Variants in GLRA3 observed in about 807,000 individuals in gnomAD.
The protein encoded by GLRA3 is glycine receptor subunit alpha-3.
A neutral mutation model predicts 60.4 loss-of-function variants in GLRA3; 44 were observed. The observed-to-expected ratio is 0.73, with a 90% CI of 0.57 to 0.94. GLRA3 has a LOEUF of 0.94. Ranked by LOEUF, GLRA3 falls within the 40% of genes least tolerant of loss-of-function variation. The pLI, the probability that GLRA3 is intolerant of heterozygous loss-of-function variation, is 0.00. For synonymous variants in GLRA3, 223 were observed against 192.9 expected, an observed-to-expected ratio of 1.16 and a Z score of -1.29; for missense variants, 508 against 564.6, an observed-to-expected ratio of 0.90 and a Z score of 1.02.
intron 2 of GLRA3, among the ~76,000 whole-genome samples, chr4:174,773,382 A>G (rs1738470684): frequency 6.6e-6 from 1 of 152,064 alleles, no homozygotes. Context: ...AGAATAGCAA[A>G]GTACAATGCA....
chr4:174,803,623 T>A (rs1303517925), intron 1 of GLRA3, among the ~76,000 whole-genome samples: 2 of 152,194 alleles, frequency 1.3e-5, no homozygotes, highest in African/African-American at 4.8e-5. Flanking sequence ...GACATACACA[T>A]ATGTTTAGAA....
intron 4 of GLRA3, among the ~76,000 whole-genome samples, chr4:174,724,971 T>C (rs1462855013): frequency 6.6e-6 from 1 of 152,254 alleles, no homozygotes; most frequent in African/African-American, 2.4e-5. Context: ...TTATGCATTA[T>C]GTGTCTTCAT....
chr4:174,811,939 T>C (rs1484773886), intron 1 of GLRA3, among the ~76,000 whole-genome samples: 1 of 152,188 alleles, frequency 6.6e-6, no homozygotes, highest in East Asian at 1.9e-4. Flanking sequence ...TGATCAAGAA[T>C]TGAGATTATC....
chr4:174,736,112 G>A (rs2111156965), intron 3 of GLRA3, among the ~76,000 whole-genome samples: 1 of 152,106 alleles, frequency 6.6e-6, no homozygotes, highest in Non-Finnish European at 1.5e-5. Context: ...AAAATTTTGA[G>A]GTGGATAAGA....
At chr4:174,758,184 T>G (rs751716739) in intron 3 of GLRA3, among the ~76,000 whole-genome samples, 4 of 152,118 alleles carry the variant, frequency 2.6e-5, no homozygotes, top group Non-Finnish European at 4.4e-5. Flanking sequence ...CCTGAGGTAT[T>G]CCTTTATAGC....
chr4:174,686,240 C>T (rs554433778), intron 5 of GLRA3, among the ~76,000 whole-genome samples: 86 of 152,292 alleles, frequency 5.6e-4, no homozygotes, highest in Middle Eastern at 6.8e-3. Context: ...AATAAACTCT[C>T]AAACATAATT....
intron 3 of GLRA3, among the ~76,000 whole-genome samples, chr4:174,729,525 T>C (rs555577131): frequency 1.7e-3 from 259 of 152,374 alleles, no homozygotes; most frequent in African/African-American, 5.8e-3. Context: ...AGATCTTTCA[T>C]AGTTAATTTT....
chr4:174,685,872 T>C (rs997252527), intron 5 of GLRA3, among the ~76,000 whole-genome samples: 1 of 152,180 alleles, frequency 6.6e-6, no homozygotes, highest in Non-Finnish European at 1.5e-5. Context: ...TGTCCCAATT[T>C]AGACAGATGA....
At chr4:174,735,415 C>A (rs75388188) in intron 3 of GLRA3, among the ~76,000 whole-genome samples, 1 of 152,270 alleles carries the variant, frequency 6.6e-6, no homozygotes, top group African/African-American at 2.4e-5. Context: ...TTGCTCATGA[C>A]CTGAAATTTG....
rs1055266829 is a variant in GLRA3 at position 174,640,960 on chromosome 4, A to G, written c.*2826T>C. The G allele has an allele frequency of 3.3e-5, 5 of 151,156 alleles. No homozygotes were observed. Among genetic ancestry groups the G allele is most frequent in the African/African-American group, 9.7e-5 (4 of 41,372 alleles). 9.4% of individuals were successfully genotyped at this position (151,156 alleles called of 1,614,324 possible). ...AATACAGTGACTCTTGAATCTATTT[A>G]AAGTTGTAAAGTAAGTTCTAGAGCC... On this transcript the variant is annotated 3_prime_UTR_variant, in exon 10 of 10. Coordinates refer to ENST00000274093, the MANE Select transcript of GLRA3 (RefSeq NM_006529.4).
chr4:174,656,643 G>A, intron 9 of GLRA3, 100 bp downstream of exon 9: 1 of 640,422 alleles, frequency 1.6e-6, no homozygotes. Flanking sequence ...AAAAGGGGCT[G>A]TGTTTCCCCA....
chr4:174,787,275 C>T (rs919068727), intron 2 of GLRA3, among the ~76,000 whole-genome samples: 1 of 151,974 alleles, frequency 6.6e-6, no homozygotes, highest in African/African-American at 2.4e-5. Flanking sequence ...CTTTAATTTT[C>T]AGTTAAAAGA....
At chr4:174,661,474 T>C (rs1021960077) in intron 7 of GLRA3, among the ~76,000 whole-genome samples, 3 of 152,204 alleles carry the variant, frequency 2.0e-5, no homozygotes, top group African/African-American at 4.8e-5. Context: ...TAGAACCAGA[T>C]ACTGTGATCA....
intron 1 of GLRA3, among the ~76,000 whole-genome samples, chr4:174,789,233 A>G (rs1250691931): frequency 6.6e-6 from 1 of 152,190 alleles, no homozygotes; most frequent in Non-Finnish European, 1.5e-5. Context: ...TGTGTTTACA[A>G]AAGCCTTATT....
At chr4:174,805,791 T>C (rs966271852) in intron 1 of GLRA3, among the ~76,000 whole-genome samples, 4 of 152,192 alleles carry the variant, frequency 2.6e-5, no homozygotes, top group East Asian at 3.8e-4. Context: ...ATAACATTTA[T>C]TATTTTTATG....
chr4:174,758,332 T>C (rs1225103597), intron 3 of GLRA3, among the ~76,000 whole-genome samples: 1 of 152,186 alleles, frequency 6.6e-6, no homozygotes, highest in Admixed American at 6.5e-5. Flanking sequence ...ATATTGATAG[T>C]ATATACTCTT....
intron 2 of GLRA3, among the ~76,000 whole-genome samples, chr4:174,786,737 T>C (rs1739144483): frequency 6.6e-6 from 1 of 152,190 alleles, no homozygotes. Context: ...TAAAAACTAA[T>C]CCATTAAATT....
intron 2 of GLRA3, among the ~76,000 whole-genome samples, chr4:174,771,626 C>T (rs35852494): frequency 0.18 from 27,838 of 151,992 alleles, 3,001 homozygotes; most frequent in Admixed American, 0.25. Flanking sequence ...GTTGGGGGAA[C>T]ATGGCCCAGG....
At chr4:174,644,141 A>G (rs757337154) in intron 9 of GLRA3, 77 bp from the exon 10 acceptor site, 32 of 781,632 alleles carry the variant, frequency 4.1e-5, no homozygotes, top group Non-Finnish European at 6.6e-5. Flanking sequence ...AATCATAACC[A>G]ATTTTATCAT....
Sources: gnomAD v4.1 joint callset for allele counts (sites outside exome capture counted in the v4.1 genomes callset) on GRCh38, gnomAD v4.1.1 for gene constraint, MANE v1.5 for transcripts, NCBI Gene and HGNC (gene_info 2026-07-23, HGNC 2026-07-21) for gene names.